Variants in GLCCI1 observed in about 807,000 individuals in gnomAD.
The protein encoded by GLCCI1 is glucocorticoid induced 1, also known as glucocorticoid-induced transcript 1 protein.
GLCCI1 carries 24 observed loss-of-function variants against 52.2 expected under a neutral mutation model. The observed-to-expected ratio is 0.46, with a 90% CI of 0.33 to 0.65. The LOEUF is 0.65. GLCCI1 is among the 30% of genes least tolerant of loss of function. The pLI is 0.02. For missense variants in GLCCI1, 704 were observed against 701.5 expected, an observed-to-expected ratio of 1.00 and a Z score of -0.04; for synonymous variants, 310 against 276.5, an observed-to-expected ratio of 1.12 and a Z score of -1.20.
chr7:8,059,962 C>A, intron 4 of GLCCI1, 134 bp from the exon 5 acceptor site: 1 of 699,700 alleles, frequency 1.4e-6, no homozygotes, highest in Non-Finnish European at 2.3e-6. Flanking sequence ...ATATGTGCAC[C>A]TGAATTTTAT....
chr7:7,973,882 T>A (rs527466515), intron 1 of GLCCI1, among the ~76,000 whole-genome samples: 1 of 152,200 alleles, frequency 6.6e-6, no homozygotes, highest in South Asian at 2.1e-4. Context: ...TATACTGTGC[T>A]CAATGGAATA....
chr7:7,980,901 T>G (rs1292392156), intron 1 of GLCCI1: 8 of 625,986 alleles, frequency 1.3e-5, no homozygotes, highest in Non-Finnish European at 2.4e-5. Context: ...TTGATGACAT[T>G]CCTGATTTAT....
intron 3 of GLCCI1, among the ~76,000 whole-genome samples, chr7:8,048,973 TC>T (rs1269887392): frequency 1.3e-5 from 2 of 152,236 alleles, no homozygotes; most frequent in African/African-American, 4.8e-5. Flanking sequence ...ATTGTTGTTT[TC>T]TTTTTTTGTT....
At chr7:8,061,657 CTTTTTTTTTTTTT>C (rs61377819) in intron 5 of GLCCI1, among the ~76,000 whole-genome samples, 1 of 78,382 alleles carries the variant, frequency 1.3e-5, no homozygotes, top group Non-Finnish European at 2.2e-5. Context: ...CCATTGAACT[CTTTTTTTTTTTTT>C]TTTTTTTTTT....
Position 8,055,459 on chromosome 7 carries a change from A to G in GLCCI1, c.723A>G (p.Leu241=). ...KEQIAKLRQQ[L]QRSKQSSRHS... ...AGATCGCCAAACTGAGGCAGCAACT[A>G]CAACGCAGTAAACAGAGTAGTCGTC... The change falls in exon 4 of 8, where the codon CTA becomes CTG. Residue 241 remains leucine (L), a synonymous_variant. Transcript: ENST00000223145. 1.9e-6 allele frequency: 3 copies of G among 1,613,816 alleles called. No homozygotes were observed. Among genetic ancestry groups the G allele is most frequent in the Non-Finnish European group, 2.5e-6 (3 of 1,179,742 alleles).
chr7:8,064,839 C>G (rs1004596849), intron 5 of GLCCI1, among the ~76,000 whole-genome samples: 1 of 152,124 alleles, frequency 6.6e-6, no homozygotes, highest in Non-Finnish European at 1.5e-5. Context: ...TCCCGAGCAG[C>G]TGGCACTACA....
intron 2 of GLCCI1, among the ~76,000 whole-genome samples, chr7:8,007,085 G>T (rs963694806): frequency 6.6e-6 from 1 of 152,196 alleles, no homozygotes; most frequent in South Asian, 2.1e-4. Flanking sequence ...ATGGGGAGGG[G>T]CATGGCTGCT....
intron 5 of GLCCI1, among the ~76,000 whole-genome samples, chr7:8,065,111 G>C (rs769410261): frequency 2.0e-5 from 3 of 152,116 alleles, no homozygotes; most frequent in Non-Finnish European, 4.4e-5. Context: ...TTGAGCAGTG[G>C]TTTGTAATTC....
chr7:8,086,186 G>T lies in GLCCI1; in HGVS notation c.1299-7G>T, dbSNP rs1350537875. 6 of 1,598,378 alleles carry T rather than the reference G, an allele frequency of 3.8e-6. No homozygotes were observed. The South Asian group carries it at 4.5e-5, about 12-fold the overall frequency. ...ATTATAAATCTAATTTTGTTTTATG[G>T]TTTTAGGTCTCGTCAGCCTATCTCG... On this transcript the variant is annotated splice_polypyrimidine_tract_variant and splice_region_variant and intron_variant, in intron 7 of 7. Coordinates refer to ENST00000223145, the MANE Select transcript of GLCCI1 (RefSeq NM_138426.4). This position sits in a 1 kb window ranked among gnomAD's most constrained non-coding sequence, Gnocchi z 4.4.
At chr7:8,028,346 A>G (rs999153078) in intron 3 of GLCCI1, among the ~76,000 whole-genome samples, 6 of 152,204 alleles carry the variant, frequency 3.9e-5, no homozygotes, top group African/African-American at 7.2e-5. Context: ...GTTAAACAAT[A>G]TGCTCCTAAA....
chr7:8,046,490 C>G (rs117683665), intron 3 of GLCCI1, among the ~76,000 whole-genome samples: 2,249 of 152,312 alleles, frequency 0.015, 53 homozygotes, highest in East Asian at 0.083. Context: ...ACAGTCTATT[C>G]TCTCTGAAGC....
At chr7:8,022,434 G>A in intron 2 of GLCCI1, 49 bp from the exon 3 acceptor site, 1 of 1,030,288 alleles carries the variant, frequency 9.7e-7, no homozygotes, top group Admixed American at 3.1e-5. Context: ...TTGAGATTAG[G>A]AAGTAGAGAT....
intron 2 of GLCCI1, among the ~76,000 whole-genome samples, chr7:8,012,093 GC>G (rs1781275051): frequency 6.6e-6 from 1 of 151,438 alleles, no homozygotes; most frequent in African/African-American, 2.4e-5. Context: ...AGGATTACAG[GC>G]ATGAGTCACC....
intron 3 of GLCCI1, among the ~76,000 whole-genome samples, chr7:8,038,449 A>G (rs1781917303): frequency 6.6e-6 from 1 of 152,146 alleles, no homozygotes; most frequent in South Asian, 2.1e-4. Context: ...AAAATAGAGA[A>G]CCCAGAAATA....
At chr7:8,051,526 T>G (rs1047223679) in intron 3 of GLCCI1, among the ~76,000 whole-genome samples, 2 of 152,180 alleles carry the variant, frequency 1.3e-5, no homozygotes, top group Admixed American at 1.3e-4. Flanking sequence ...TTGAGTGACT[T>G]AGTATTGAGG....
chr7:8,028,403 C>T (rs1781667565), intron 3 of GLCCI1, among the ~76,000 whole-genome samples: 1 of 152,080 alleles, frequency 6.6e-6, no homozygotes, highest in South Asian at 2.1e-4. Context: ...TGAAAAACTT[C>T]TTGAAACAAA....
At chr7:8,028,334 A>G (rs1562433895) in intron 3 of GLCCI1, among the ~76,000 whole-genome samples, 1 of 152,236 alleles carries the variant, frequency 6.6e-6, no homozygotes, top group Non-Finnish European at 1.5e-5. Flanking sequence ...AAGCACATGG[A>G]AGTTAAACAA....
Position 8,007,389 on chromosome 7 carries a change from G to T in GLCCI1, c.609+3330G>T, listed in dbSNP as rs146218614. Among the ~76,000 whole-genome samples the T allele has an allele frequency of 2.3e-3, 345 of 152,200 alleles. 1 individual carries two copies. The highest frequency in any genetic ancestry group is 4.2e-3 in the Non-Finnish European group (284 of 68,018). On this transcript the variant is annotated intron_variant, in intron 2 of 7. Transcript: ENST00000223145. ...TGTACGTAGTACGTATTAAGCGTGA[G>T]GACAGTGAACCCAGACCTGGCTGAT...
chr7:8,017,771 T>G (rs1781408519), intron 2 of GLCCI1, among the ~76,000 whole-genome samples: 1 of 152,182 alleles, frequency 6.6e-6, no homozygotes, highest in Non-Finnish European at 1.5e-5. Context: ...ATTCTGCCTT[T>G]TTCTACACTC....
Sources: gnomAD v4.1 joint callset for allele counts (sites outside exome capture counted in the v4.1 genomes callset) on GRCh38, gnomAD v4.1.1 for gene constraint, Gnocchi (gnomAD v3.1) non-coding constraint, MANE v1.5 for transcripts, NCBI Gene and HGNC (gene_info 2026-07-23, HGNC 2026-07-21) for gene names.